The following DPF3 variants were observed in gnomAD, a reference collection of about 807,000 sequenced individuals.
DPF3 encodes the protein double PHD fingers 3, also known as zinc finger protein DPF3.
In DPF3, 18 loss-of-function variants were observed where a neutral mutation model predicts 56.8. That is an observed-to-expected ratio of 0.32 (90% CI 0.22 to 0.47). DPF3 has a LOEUF of 0.47. DPF3 is among the 20% of genes least tolerant of loss of function. The pLI is 1.00. For synonymous variants in DPF3, 188 were observed against 180.2 expected (o/e 1.04, Z -0.35); for missense variants, 403 against 488.8 (o/e 0.82, Z 1.65).
At chr14:72,652,550 A>T (rs1885944050) in intron 8 of DPF3, among the ~76,000 whole-genome samples, 1 of 152,200 alleles carries the variant, frequency 6.6e-6, no homozygotes, top group Non-Finnish European at 1.5e-5. Flanking sequence ...GCCATTTAGC[A>T]GACAGAGACT....
At chr14:72,725,943 C>T (rs150779971) in intron 4 of DPF3, among the ~76,000 whole-genome samples, 4,362 of 152,274 alleles carry the variant, frequency 0.029, 82 homozygotes, top group Non-Finnish European at 0.04. Flanking sequence ...CACCAGCTGA[C>T]AGCACTTAAA....
intron 7 of DPF3, among the ~76,000 whole-genome samples, chr14:72,682,217 GAAAA>G (rs60779626): frequency 1.8e-5 from 1 of 55,382 alleles, no homozygotes; most frequent in African/African-American, 5.5e-5. Context: ...TCTGTCTCAA[GAAAA>G]AAAAAAAAAA....
chr14:72,674,708 T>A (rs1209235527), intron 7 of DPF3, among the ~76,000 whole-genome samples: 1 of 152,226 alleles, frequency 6.6e-6, no homozygotes. Context: ...ATCAGCCCTG[T>A]GGGCCCAGGC....
chr14:72,720,261 G>A (rs1889110537), intron 5 of DPF3, among the ~76,000 whole-genome samples: 1 of 152,144 alleles, frequency 6.6e-6, no homozygotes. Flanking sequence ...GGGAGACCCG[G>A]ACAAGAGGAT....
At chr14:72,704,272 C>A (rs1888311865) in intron 6 of DPF3, among the ~76,000 whole-genome samples, 1 of 152,212 alleles carries the variant, frequency 6.6e-6, no homozygotes, top group Admixed American at 6.5e-5. Context: ...ACTGAATTCT[C>A]TTTTCAATTG....
chr14:72,690,524 C>T (rs888737185), intron 7 of DPF3, among the ~76,000 whole-genome samples: 4 of 132,020 alleles, frequency 3.0e-5, no homozygotes, highest in Non-Finnish European at 7.5e-5. Context: ...CACAAACAAG[C>T]ACACACATGC....
chr14:72,884,971 T>TATATATACATATA (rs10523148), intron 1 of DPF3, among the ~76,000 whole-genome samples: 4 of 111,688 alleles, frequency 3.6e-5, no homozygotes, highest in African/African-American at 6.2e-5. Flanking sequence ...TATATATATA[T>TATATATACATATA]TAGCCGGGCG....
Position 72,620,077 on chromosome 14 carries a change from G to A in DPF3, c.985-93C>T, listed in dbSNP as rs1884330211. ...GCTTACCCATCAGCCTTATTTCCACGTCGGTCTCACTGGATCCCCTTTCCA... is the reference window on the plus strand; with the variant it reads ...GCTTACCCATCAGCCTTATTTCCACATCGGTCTCACTGGATCCCCTTTCCA... On this transcript the variant is annotated intron_variant, in intron 9 of 10. Coordinates refer to ENST00000556509, the MANE Select transcript of DPF3 (RefSeq NM_001280542.3). 75 of 1,330,668 alleles carry A rather than the reference G, an allele frequency of 5.6e-5. No individual in the cohort carries two copies. The East Asian group carries it at 1.3e-3, about 24-fold the overall frequency. 82.4% of individuals were successfully genotyped at this position (1,330,668 alleles called of 1,614,324 possible). A position where few individuals can be genotyped will look rare whatever the true frequency, so the allele number is the denominator to read the frequency against.
At chr14:72,670,244 G>A in intron 8 of DPF3, 1 of 985,942 alleles carries the variant, frequency 1.0e-6, no homozygotes, top group Non-Finnish European at 1.2e-6. Context: ...TCGGGTGGTG[G>A]AGTCACTGCT....
intron 1 of DPF3, among the ~76,000 whole-genome samples, chr14:72,888,373 A>C (rs1478809390): frequency 2.0e-5 from 3 of 152,194 alleles, no homozygotes; most frequent in East Asian, 1.9e-4. Flanking sequence ...ACCTTCCCTC[A>C]GTGACAGTTT....
At chr14:72,892,095 G>T in intron 1 of DPF3, 1 of 1,495,724 alleles carries the variant, frequency 6.7e-7, no homozygotes, top group Non-Finnish European at 8.9e-7. Flanking sequence ...CCGCCCGCGC[G>T]AAAGCGGGCT....
At chr14:72,663,631 G>C (rs534613309) in intron 8 of DPF3, among the ~76,000 whole-genome samples, 2 of 152,318 alleles carry the variant, frequency 1.3e-5, no homozygotes, top group Non-Finnish European at 2.9e-5. Flanking sequence ...TGACACAAAG[G>C]AGTGAGCAAT....
chr14:72,756,865 AAAGAAAGG>A (rs1255476351), intron 2 of DPF3, among the ~76,000 whole-genome samples: 9 of 105,084 alleles, frequency 8.6e-5, no homozygotes, highest in African/African-American at 3.2e-4. Flanking sequence ...AGAAAGAAAG[AAAGAAAGG>A]AAGGAAAGAA....
intron 3 of DPF3, among the ~76,000 whole-genome samples, chr14:72,737,525 CCTT>C (rs1013632016): frequency 1.3e-5 from 2 of 152,196 alleles, no homozygotes; most frequent in African/African-American, 4.8e-5. Context: ...GCCTCTGACT[CCTT>C]CTCCTTCGTT....
chr14:72,864,327 C>G (rs74060862), intron 1 of DPF3, among the ~76,000 whole-genome samples: 1,922 of 152,284 alleles, frequency 0.013, 44 homozygotes, highest in African/African-American at 0.044. Flanking sequence ...GGGGACAAAC[C>G]CACACATACG....
At chr14:72,861,788 A>AAAGAAAGAAAGAAAGAAAGAAAGC (rs1567261293) in intron 1 of DPF3, among the ~76,000 whole-genome samples, 11 of 151,258 alleles carry the variant, frequency 7.3e-5, no homozygotes, top group Admixed American at 6.6e-4. Context: ...AGAAAGAAAG[A>AAAGAAAGAAAGAAAGAAAGAAAGC]AAGAAAGAAA....
At chr14:72,685,353 C>G (rs1479597546) in intron 7 of DPF3, among the ~76,000 whole-genome samples, 1 of 152,204 alleles carries the variant, frequency 6.6e-6, no homozygotes, top group Non-Finnish European at 1.5e-5. Flanking sequence ...GTTACTCAAC[C>G]TCTCTGAGCC....
intron 2 of DPF3, among the ~76,000 whole-genome samples, chr14:72,768,896 T>C (rs1367862557): frequency 2.6e-5 from 4 of 151,712 alleles, no homozygotes; most frequent in Admixed American, 2.6e-4. Flanking sequence ...TTATTGTTAA[T>C]AGTCATATTG....
intron 2 of DPF3, among the ~76,000 whole-genome samples, chr14:72,765,042 G>A (rs1380857906): frequency 6.6e-6 from 1 of 152,154 alleles, no homozygotes; most frequent in African/African-American, 2.4e-5. Flanking sequence ...GCTTGGTGTA[G>A]GGGAAAAGAC....
Sources: gnomAD v4.1 joint callset for allele counts (sites outside exome capture counted in the v4.1 genomes callset) on GRCh38, gnomAD v4.1.1 for gene constraint, MANE v1.5 for transcripts, NCBI Gene and HGNC (gene_info 2026-07-23, HGNC 2026-07-21) for gene names.